Variants in GPC5 observed in about 807,000 individuals in gnomAD.
GPC5 encodes glypican 5, also known as glypican-5.
GPC5 carries 47 observed loss-of-function variants against 53.9 expected under a neutral mutation model. That is an observed-to-expected ratio of 0.87 (90% confidence interval 0.69 to 1.11). GPC5 has a LOEUF of 1.11. GPC5 is among the 50% of genes most tolerant of loss of function. GPC5 has a pLI of 0.00. For missense variants in GPC5, 748 were observed against 713.1 expected, an observed-to-expected ratio of 1.05 and a Z score of -0.56; for synonymous variants, 286 against 263.3, an observed-to-expected ratio of 1.09 and a Z score of -0.84.
intron 7 of GPC5, among the ~76,000 whole-genome samples, chr13:92,333,468 C>A (rs897683110): frequency 1.3e-5 from 2 of 152,036 alleles, no homozygotes; most frequent in African/African-American, 4.8e-5. Flanking sequence ...CTCTAACCAT[C>A]CACAAAGGAG....
chr13:92,095,166 A>T (rs1295384719), intron 6 of GPC5, among the ~76,000 whole-genome samples: 1 of 152,198 alleles, frequency 6.6e-6, no homozygotes, highest in Non-Finnish European at 1.5e-5. Context: ...AAATAGGATA[A>T]GATAGAGGCA....
In GPC5 at chr13:92,579,941, T is replaced by C. The variant is rs531311628; in HGVS notation, c.1562-286341T>C. Among the ~76,000 whole-genome samples, 4 of 152,310 alleles carry C rather than the reference T, an allele frequency of 2.6e-5. No individual in the cohort carries two copies. The East Asian group carries it at 5.8e-4, about 22-fold the overall frequency. ...TGTTTATTTTCTTTTTGTAAAAGCA[T>C]TGAATATTCTCAAATGAGAAAGCAA... is the stretch of plus-strand genomic sequence containing the variant. On this transcript the variant is annotated intron_variant, in intron 7 of 7. Transcript: ENST00000377067.
At chr13:92,218,438 C>T (rs2042426167) in intron 7 of GPC5, among the ~76,000 whole-genome samples, 1 of 152,110 alleles carries the variant, frequency 6.6e-6, no homozygotes, top group South Asian at 2.1e-4. Flanking sequence ...AGAACTTTCC[C>T]TAATTTTAAA....
chr13:91,984,515 C>T (rs1180880755), intron 6 of GPC5, among the ~76,000 whole-genome samples: 1 of 152,198 alleles, frequency 6.6e-6, no homozygotes, highest in Non-Finnish European at 1.5e-5. Flanking sequence ...AGAGCACGCT[C>T]ACGTGGACAA....
At chr13:92,033,035 T>TTGTGTG (rs1566404109) in intron 6 of GPC5, among the ~76,000 whole-genome samples, 32 of 77,910 alleles carry the variant, frequency 4.1e-4, no homozygotes, top group African/African-American at 1.4e-3. Context: ...CTAGTTATTG[T>TTGTGTG]CGTGTGTGTG....
At chr13:91,863,162 T>C (rs943071412) in intron 5 of GPC5, among the ~76,000 whole-genome samples, 6 of 152,020 alleles carry the variant, frequency 3.9e-5, no homozygotes. Context: ...AGTCAGGGAA[T>C]GCACTTTGAC....
chr13:91,411,372 A>G (rs1037250264), intron 1 of GPC5, among the ~76,000 whole-genome samples: 1 of 152,178 alleles, frequency 6.6e-6, no homozygotes, highest in Non-Finnish European at 1.5e-5. Context: ...ATAAGAACTT[A>G]TCTTCCATGT....
chr13:91,751,008 C>T (rs2140108116), intron 4 of GPC5, among the ~76,000 whole-genome samples: 2 of 152,060 alleles, frequency 1.3e-5, no homozygotes. Context: ...TGTTTCAATC[C>T]CCTCCTTTAC....
intron 7 of GPC5, among the ~76,000 whole-genome samples, chr13:92,798,328 C>T (rs1876779455): frequency 6.6e-6 from 1 of 151,850 alleles, no homozygotes; most frequent in Non-Finnish European, 1.5e-5. Flanking sequence ...GTGTAAAGGG[C>T]AGTTACACTT....
intron 6 of GPC5, among the ~76,000 whole-genome samples, chr13:91,935,045 A>G (rs2039856948): frequency 6.6e-6 from 1 of 152,026 alleles, no homozygotes; most frequent in Admixed American, 6.6e-5. Flanking sequence ...TGACTGCAGT[A>G]GGCAGAGTAG....
At chr13:92,666,489 A>G (rs188432188) in intron 7 of GPC5, among the ~76,000 whole-genome samples, 115 of 150,628 alleles carry the variant, frequency 7.6e-4, no homozygotes, top group African/African-American at 2.7e-3. Flanking sequence ...AAAAAATGCT[A>G]TCAATAATAA....
intron 5 of GPC5, among the ~76,000 whole-genome samples, chr13:91,897,822 C>T (rs2039459244): frequency 6.6e-6 from 1 of 152,110 alleles, no homozygotes; most frequent in Non-Finnish European, 1.5e-5. Flanking sequence ...TGGTAAAGTG[C>T]TCCCCCATAT....
chr13:92,751,609 AG>A (rs933851209), intron 7 of GPC5, among the ~76,000 whole-genome samples: 3 of 51,436 alleles, frequency 5.8e-5, no homozygotes, highest in Non-Finnish European at 1.2e-4. Context: ...GGGTTGGGGG[AG>A]GGGGGAGGGA....
At chr13:92,458,933 G>T (rs1206798008) in intron 7 of GPC5, among the ~76,000 whole-genome samples, 2 of 152,056 alleles carry the variant, frequency 1.3e-5, no homozygotes, top group Non-Finnish European at 2.9e-5. Context: ...CTTTGTGAGT[G>T]CCTACTTTGG....
chr13:92,380,283 C>G (rs573968959), intron 7 of GPC5, among the ~76,000 whole-genome samples: 5 of 152,150 alleles, frequency 3.3e-5, no homozygotes, highest in Admixed American at 3.3e-4. Flanking sequence ...GAGAGGCAAC[C>G]CTCTCCATCC....
At chr13:91,562,941 T>C (rs2031350758) in intron 2 of GPC5, among the ~76,000 whole-genome samples, 1 of 152,132 alleles carries the variant, frequency 6.6e-6, no homozygotes, top group Admixed American at 6.6e-5. Context: ...GAAATATGTA[T>C]AATTGTGCAT....
chr13:91,830,538 G>C (rs1405603193), intron 5 of GPC5, among the ~76,000 whole-genome samples: 4 of 151,676 alleles, frequency 2.6e-5, no homozygotes, highest in African/African-American at 7.3e-5. Context: ...AATCTTTACA[G>C]TTTTATGTTC....
intron 7 of GPC5, among the ~76,000 whole-genome samples, chr13:92,562,281 C>T (rs1882724619): frequency 6.6e-6 from 1 of 152,140 alleles, no homozygotes; most frequent in Non-Finnish European, 1.5e-5. Context: ...ACCACCACTT[C>T]CTTCTTGTGG....
At chr13:92,674,881 A>C (rs1438150686) in intron 7 of GPC5, among the ~76,000 whole-genome samples, 5 of 152,036 alleles carry the variant, frequency 3.3e-5, no homozygotes, top group African/African-American at 1.2e-4. Flanking sequence ...TAACCAATCA[A>C]AATATAGAAA....
Sources: allele counts gnomAD v4.1 joint callset (sites outside exome capture counted in the v4.1 genomes callset), GRCh38; gene constraint gnomAD v4.1.1; transcripts MANE v1.5; gene names NCBI Gene and HGNC (gene_info 2026-07-23, HGNC 2026-07-21).